The following LCORL variants were observed in gnomAD, a reference collection of about 807,000 sequenced individuals.
LCORL encodes the protein ligand dependent nuclear receptor corepressor like, also known as ligand-dependent nuclear receptor corepressor-like protein.
A neutral mutation model predicts 141.8 loss-of-function variants in LCORL; 41 were observed. The ratio of observed to expected loss-of-function variants is 0.29; its 90% confidence interval spans 0.23 to 0.38. LCORL has a LOEUF of 0.38. Among genes scored for constraint, LCORL ranks in the 10% least tolerant of loss-of-function variants. The pLI is 1.00. For missense variants in LCORL, 1,759 were observed against 2,035.0 expected, an observed-to-expected ratio of 0.86 and a Z score of 2.61; for synonymous variants, 618 against 694.1, an observed-to-expected ratio of 0.89 and a Z score of 1.72.
At chr4:17,928,658 C>T (rs1213315840) in intron 4 of LCORL, among the ~76,000 whole-genome samples, 3 of 152,110 alleles carry the variant, frequency 2.0e-5, no homozygotes, top group Non-Finnish European at 4.4e-5. Context: ...TAAAAGCTTT[C>T]CCCCAGAATG....
At chr4:17,889,115 G>A (rs1174187001) in intron 5 of LCORL, among the ~76,000 whole-genome samples, 1 of 151,950 alleles carries the variant, frequency 6.6e-6, no homozygotes, top group Non-Finnish European at 1.5e-5. Flanking sequence ...TCTACTTGGG[G>A]CAATAAAGGT....
rs1014129656 is a variant in LCORL, at chr4:17,877,448, A to T, written c.1542T>A (p.Asn514Lys). ...CACCTTTTTCATGATTTGTAGTAGA[A>T]TTATTGCTGTCATTTGAGAGTAAAG... The change falls in exon 7 of 8, where the codon AAT (asparagine) becomes AAA (lysine). Residue 514 changes from asparagine to lysine, a missense_variant. By Grantham distance (94) the Asn-to-Lys change is moderately conservative. Transcript: ENST00000635767. The T allele has an allele frequency of 1.2e-5, 15 of 1,229,030 alleles. No individual in the cohort carries two copies. The East Asian group carries it at 4.1e-4, about 34-fold the overall frequency. 76.1% of individuals were successfully genotyped at this position (1,229,030 alleles called of 1,614,324 possible). A position where few individuals can be genotyped will look rare whatever the true frequency, so the allele number is the denominator to read the frequency against.
In LCORL at chr4:17,863,916, G is replaced by A. The variant is rs956286710; in HGVS notation, c.5602+9472C>T. Among the ~76,000 whole-genome samples the A allele has an allele frequency of 4.6e-5, 7 of 152,240 alleles. No homozygotes were observed. In the East Asian group the frequency reaches 1.4e-3, roughly 29 times the overall value. On this transcript the variant is annotated intron_variant, in intron 7 of 7. Coordinates refer to ENST00000635767, the Ensembl canonical transcript of LCORL. ...GGAATGGAAAACAAAACATTTATAA[G>A]CATTCTCACTTGTAAGTGGAAGTTA...
chr4:17,913,063 G>A, intron 4 of LCORL: 1 of 236,728 alleles, frequency 4.2e-6, no homozygotes, highest in Non-Finnish European at 8.4e-6. Context: ...TCATTTTAAA[G>A]GATGAGATGA....
chr4:17,923,173 G>A (rs1178322607), intron 4 of LCORL, among the ~76,000 whole-genome samples: 1 of 152,160 alleles, frequency 6.6e-6, no homozygotes, highest in Non-Finnish European at 1.5e-5. Flanking sequence ...CTGGAGAACA[G>A]GCATGGAAAT....
At chr4:17,953,225 A>T (rs1194544257) in intron 4 of LCORL, among the ~76,000 whole-genome samples, 1 of 152,134 alleles carries the variant, frequency 6.6e-6, no homozygotes, top group Non-Finnish European at 1.5e-5. Context: ...ATGGGCCTTT[A>T]TGGCAGAACA....
chr4:17,882,435 T>C (rs1370377494), intron 6 of LCORL: 2 of 984,580 alleles, frequency 2.0e-6, no homozygotes, highest in Non-Finnish European at 2.4e-6. Flanking sequence ...CAAGGATACT[T>C]TGACCCATAT....
At chr4:17,881,904 T>C (rs772714071) in intron 6 of LCORL, 72 of 983,192 alleles carry the variant, frequency 7.3e-5, no homozygotes, top group Non-Finnish European at 8.0e-5. Context: ...TCACAAAATA[T>C]GGCTTAATTC....
intron 7 of LCORL, among the ~76,000 whole-genome samples, chr4:17,846,265 C>G (rs1444250208): frequency 1.3e-5 from 2 of 152,114 alleles, no homozygotes; most frequent in East Asian, 3.8e-4. Context: ...AAAAAGGGAT[C>G]AACATTTGTT....
At chr4:17,944,097 C>G (rs1738438848) in intron 4 of LCORL, among the ~76,000 whole-genome samples, 1 of 152,152 alleles carries the variant, frequency 6.6e-6, no homozygotes, top group Non-Finnish European at 1.5e-5. Context: ...AAGCCAGGAC[C>G]TGACCACTGT....
intron 4 of LCORL, among the ~76,000 whole-genome samples, chr4:17,919,762 T>C (rs773769399): frequency 2.0e-5 from 3 of 152,268 alleles, no homozygotes; most frequent in Non-Finnish European, 2.9e-5. Context: ...CCCCAGGAAA[T>C]AGAATCTCTC....
intron 1 of LCORL, among the ~76,000 whole-genome samples, chr4:18,002,163 T>C (rs1722078226): frequency 6.6e-6 from 1 of 152,214 alleles, no homozygotes; most frequent in Non-Finnish European, 1.5e-5. Flanking sequence ...GAGGTCTTTC[T>C]ACCCATTAGT....
At chr4:17,841,408 G>T (rs1722390027) in exon 8 of LCORL, 1 of 151,776 alleles carries the variant, frequency 6.6e-6, no homozygotes, top group Non-Finnish European at 1.5e-5. Context: ...TCATAATATT[G>T]TTTTGTAACC....
At chr4:17,973,411 AATTTTAGGT>A (rs1272402801) in intron 1 of LCORL, among the ~76,000 whole-genome samples, 1 of 151,874 alleles carries the variant, frequency 6.6e-6, no homozygotes, top group African/African-American at 2.4e-5. Context: ...GACTGCCCTA[AATTTTAGGT>A]AAAAAAAATT....
At chr4:17,876,451 CTATACT>C in exon 7 of LCORL, 1 of 1,230,710 alleles carries the variant, frequency 8.1e-7, no homozygotes, top group Non-Finnish European at 1.0e-6. Context: ...GATTTTTTGG[CTATACT>C]TATTGTATCT....
intron 6 of LCORL, chr4:17,882,335 T>C (rs1252702376): frequency 4.1e-5 from 40 of 984,506 alleles, no homozygotes; most frequent in Non-Finnish European, 4.8e-5. Flanking sequence ...TCAGAGAATT[T>C]TGAATACATA....
chr4:17,903,686 GC>G (rs1165252724), intron 5 of LCORL, among the ~76,000 whole-genome samples: 1 of 151,954 alleles, frequency 6.6e-6, no homozygotes, highest in African/African-American at 2.4e-5. Flanking sequence ...TATTTGAAAT[GC>G]CTGGATAGAA....
chr4:18,020,067 CA>C (rs1036648692), intron 1 of LCORL, among the ~76,000 whole-genome samples: 5 of 152,210 alleles, frequency 3.3e-5, no homozygotes, highest in South Asian at 4.1e-4. Context: ...AAGGGCAAAA[CA>C]AAAGCAGTAA....
intron 5 of LCORL, among the ~76,000 whole-genome samples, chr4:17,898,581 A>G (rs1273141943): frequency 2.7e-5 from 4 of 148,402 alleles, no homozygotes; most frequent in Non-Finnish European, 4.4e-5. Flanking sequence ...TAATATATGT[A>G]TTTCTGCAAC....
Sources: gnomAD v4.1 joint callset for allele counts (sites outside exome capture counted in the v4.1 genomes callset) on GRCh38, gnomAD v4.1.1 for gene constraint, MANE v1.5 for transcripts, NCBI Gene and HGNC (gene_info 2026-07-23, HGNC 2026-07-21) for gene names.